Variants in HPF1 observed in about 807,000 individuals in gnomAD.
HPF1 encodes the protein histone PARylation factor 1.
Under a neutral mutation model 38.8 loss-of-function variants are expected in HPF1, and 35 were observed. That is an observed-to-expected ratio of 0.90 (90% confidence interval 0.69 to 1.19). The LOEUF is 1.19. Ranked by LOEUF, HPF1 falls within the 50% of genes most tolerant of loss-of-function variation. The probability of loss-of-function intolerance (pLI) is 0.00; values close to 1 mark genes in which losing one functional copy is unlikely to be tolerated. For missense variants in HPF1, 367 were observed against 405.8 expected, an observed-to-expected ratio of 0.90 and a Z score of 0.82; for synonymous variants, 115 against 139.2, an observed-to-expected ratio of 0.83 and a Z score of 1.22.
At chr4:169,734,160 A>G (rs966982453) in intron 6 of HPF1, among the ~76,000 whole-genome samples, 20 of 152,174 alleles carry the variant, frequency 1.3e-4, no homozygotes, top group African/African-American at 4.8e-4. Flanking sequence ...ACCTTTTACA[A>G]ATTAAATTAT....
chr4:169,750,584 G>C lies in HPF1; in HGVS notation c.350C>G (p.Thr117Ser). Residue 117 changes from threonine to serine, a missense_variant, in exon 3 of 8, where the codon ACC (threonine) becomes AGC (serine). Thr to Ser is a moderately conservative substitution (Grantham distance 58, BLOSUM62 1). Transcript: ENST00000393381. Reference protein sequence around the residue: ...RFYYDPPEFQTIIIGDNKTQY... With the variant: ...RFYYDPPEFQSIIIGDNKTQY... The stretch of plus-strand genomic sequence containing the variant: ...AGTTTTATTATCTCCAATAATAATG[G>C]TCTGGAACTCAGGAGGATCATAGTA... The C allele has an allele frequency of 6.2e-7, 1 of 1,612,570 alleles. No homozygotes were observed. Among genetic ancestry groups the C allele is most frequent in the Non-Finnish European group, 8.5e-7 (1 of 1,179,360 alleles).
intron 6 of HPF1, among the ~76,000 whole-genome samples, chr4:169,732,240 A>T (rs1006515399): frequency 1.3e-5 from 2 of 151,548 alleles, no homozygotes; most frequent in African/African-American, 4.9e-5. Flanking sequence ...TCCCAGGTTC[A>T]AGCAATTCTC....
intron 6 of HPF1, among the ~76,000 whole-genome samples, chr4:169,732,715 C>T (rs1466724140): frequency 6.6e-6 from 1 of 152,104 alleles, no homozygotes; most frequent in Non-Finnish European, 1.5e-5. Flanking sequence ...TATATAGTTG[C>T]CTCTGTATCT....
chr4:169,730,248 A>G (rs1486985545), intron 7 of HPF1, among the ~76,000 whole-genome samples: 1 of 152,228 alleles, frequency 6.6e-6, no homozygotes, highest in African/African-American at 2.4e-5. Flanking sequence ...GCTGATCATA[A>G]TAAACATTTA....
intron 5 of HPF1, among the ~76,000 whole-genome samples, chr4:169,739,586 C>T (rs906964919): frequency 2.0e-5 from 3 of 152,266 alleles, no homozygotes; most frequent in East Asian, 1.9e-4. Flanking sequence ...AGAAAAACTA[C>T]AAACACACCT....
At chr4:169,745,443 C>G (rs1734035284) in intron 4 of HPF1, among the ~76,000 whole-genome samples, 1 of 152,126 alleles carries the variant, frequency 6.6e-6, no homozygotes, top group African/African-American at 2.4e-5. Flanking sequence ...GGTGAGCTTT[C>G]TAGCCAGAAA....
At chr4:169,754,923 TTTA>T (rs1253551478) in intron 1 of HPF1, among the ~76,000 whole-genome samples, 1 of 151,822 alleles carries the variant, frequency 6.6e-6, no homozygotes, top group East Asian at 1.9e-4. Flanking sequence ...ATTTTTTTAT[TTTA>T]TTATTATTAT....
chr4:169,745,146 A>G (rs2150291758), intron 4 of HPF1, among the ~76,000 whole-genome samples: 1 of 152,326 alleles, frequency 6.6e-6, no homozygotes, highest in South Asian at 2.1e-4. Context: ...AACCATGCAC[A>G]GCAACTACCA....
At chr4:169,739,806 T>C (rs1413428793) in intron 5 of HPF1, among the ~76,000 whole-genome samples, 1 of 152,144 alleles carries the variant, frequency 6.6e-6, no homozygotes. Context: ...ATTGGCAATA[T>C]GAAATGATAA....
chr4:169,742,492 A>C (rs1733982107), intron 4 of HPF1, among the ~76,000 whole-genome samples: 2 of 152,188 alleles, frequency 1.3e-5, no homozygotes, highest in African/African-American at 2.4e-5. Context: ...AAAAAAGTAG[A>C]CATCAAAAAA....
At chr4:169,731,457 T>C (rs577723804) in intron 7 of HPF1, among the ~76,000 whole-genome samples, 1 of 152,312 alleles carries the variant, frequency 6.6e-6, no homozygotes, top group East Asian at 1.9e-4. Context: ...GCAAATAATC[T>C]TCACCTTTGA....
chr4:169,756,315 G>T (rs1215568180), intron 1 of HPF1, among the ~76,000 whole-genome samples: 3 of 152,096 alleles, frequency 2.0e-5, no homozygotes, highest in Non-Finnish European at 4.4e-5. Flanking sequence ...TTTAAATCTG[G>T]GTCCACAGCA....
At chr4:169,754,698 G>T (rs1178362010) in intron 1 of HPF1, among the ~76,000 whole-genome samples, 2 of 152,060 alleles carry the variant, frequency 1.3e-5, no homozygotes, top group East Asian at 3.9e-4. Context: ...TAGAGCAGTG[G>T]TTCTCAACCG....
In HPF1 at chr4:169,747,105, G is replaced by A. The variant is rs72696698; in HGVS notation, c.497+1639C>T. 5.5e-3 allele frequency among the ~76,000 whole-genome samples: 825 copies of A among 149,784 alleles called. 10 individuals are homozygous for A. Among genetic ancestry groups the A allele is most frequent in the South Asian group, 0.046 (217 of 4,696 alleles). On this transcript the variant is annotated intron_variant, in intron 4 of 7. Transcript: ENST00000393381. Reference sequence around the variant, plus strand: ...CTGAAAAAATTAGGTGTTTTTACATGCCAAGGTATTTATAGAATTAATATT... The same window carrying A: ...CTGAAAAAATTAGGTGTTTTTACATACCAAGGTATTTATAGAATTAATATT...
Position 169,742,075 on chromosome 4 carries a change from G to A in HPF1, c.530C>T (p.Thr177Met), listed in dbSNP as rs765318334. ...LFLTKKLREI[T>M]DKKKINLLKN... The stretch of plus-strand genomic sequence containing the variant: ...CAAGAGATTGATTTTCTTTTTATCC[G>A]TTATTTCTCTAAGTTTTTTCGTCAA... The change falls in exon 5 of 8, where the codon ACG becomes ATG. Residue 177 changes from threonine (T) to methionine (M), a missense_variant. Thr to Met is a moderately conservative substitution (Grantham distance 81). Coordinates refer to ENST00000393381, the MANE Select transcript of HPF1 (RefSeq NM_017867.3). 8.7e-6 allele frequency: 14 copies of A among 1,610,376 alleles called. No homozygotes were observed. The Admixed American group carries it at 1.0e-4, about 12-fold the overall frequency.
chr4:169,741,926 C>A, intron 5 of HPF1, 31 bp downstream of exon 5: 2 of 1,597,516 alleles, frequency 1.3e-6, no homozygotes, highest in Non-Finnish European at 1.7e-6. Flanking sequence ...TATGCTATAG[C>A]AAAACAGAGA....
chr4:169,743,105 A>AAC (rs1553978046), intron 4 of HPF1, among the ~76,000 whole-genome samples: 1 of 151,532 alleles, frequency 6.6e-6, no homozygotes, highest in African/African-American at 2.4e-5. Flanking sequence ...AAAAAAAAAA[A>AAC]CAAAAAACTG....
intron 7 of HPF1, among the ~76,000 whole-genome samples, chr4:169,730,373 A>G (rs1733813738): frequency 6.6e-6 from 1 of 152,240 alleles, no homozygotes; most frequent in African/African-American, 2.4e-5. Context: ...GGCTCTACTT[A>G]TTTATGGCTA....
At chr4:169,743,678 A>G (rs2150291397) in intron 4 of HPF1, among the ~76,000 whole-genome samples, 1 of 152,232 alleles carries the variant, frequency 6.6e-6, no homozygotes, top group East Asian at 1.9e-4. Flanking sequence ...TGCCATCAAT[A>G]TAAAAGGTCA....
Sources: gnomAD v4.1 joint callset for allele counts (sites outside exome capture counted in the v4.1 genomes callset) on GRCh38, gnomAD v4.1.1 for gene constraint, MANE v1.5 for transcripts, NCBI Gene and HGNC (gene_info 2026-07-23, HGNC 2026-07-21) for gene names.